Variants in ME3 observed in about 807,000 individuals in gnomAD.
The protein encoded by ME3 is NADP-dependent malic enzyme, mitochondrial.
Under a neutral mutation model 68.9 loss-of-function variants are expected in ME3, and 48 were observed. The observed-to-expected ratio is 0.70, with a 90% CI of 0.55 to 0.89. The LOEUF (loss-of-function observed/expected upper bound fraction) is 0.89. Ranked by LOEUF, ME3 falls within the 40% of genes least tolerant of loss-of-function variation. ME3 has a pLI of 0.00. For synonymous variants in ME3, 320 were observed against 318.8 expected (o/e 1.00, Z -0.04); for missense variants, 675 against 797.4 (o/e 0.85, Z 1.85).
rs115395395 is a variant in ME3 at position 86,550,112 on chromosome 11, G to A, written c.467+6441C>T. 2.9e-3 allele frequency among the ~76,000 whole-genome samples: 449 copies of A among 152,294 alleles called. 1 individual carries two copies. Among genetic ancestry groups the A allele is most frequent in the African/African-American group, 0.01 (424 of 41,554 alleles). ...CCAGAGATGCCTGGGCTCCACTTCA[G>A]GGATTCTGATTTACAGCTCTCCAGA... On this transcript the variant is annotated intron_variant, in intron 4 of 14. Coordinates refer to ENST00000543262, the Ensembl canonical transcript of ME3.
chr11:86,560,041 A>C (rs993149296), intron 2 of ME3, among the ~76,000 whole-genome samples: 1 of 152,170 alleles, frequency 6.6e-6, no homozygotes, highest in African/African-American at 2.4e-5. Flanking sequence ...AAAATGGGGA[A>C]ACTATCTGTA....
intron 4 of ME3, among the ~76,000 whole-genome samples, chr11:86,533,271 A>T (rs901827371): frequency 6.6e-6 from 1 of 152,182 alleles, no homozygotes; most frequent in African/African-American, 2.4e-5. Flanking sequence ...ATACTATGAA[A>T]AAAAGAGAGA....
intron 2 of ME3, among the ~76,000 whole-genome samples, chr11:86,600,228 C>T (rs972212825): frequency 2.0e-4 from 30 of 152,050 alleles, no homozygotes; most frequent in African/African-American, 7.0e-4. Context: ...CAGAGACACA[C>T]ATAGGCTCAA....
chr11:86,443,058 A>G, intron 13 of ME3, 139 bp from the exon 14 acceptor site: 1 of 620,322 alleles, frequency 1.6e-6, no homozygotes, highest in Non-Finnish European at 2.8e-6. Flanking sequence ...CTCTGTTACC[A>G]GGGAAGCTTA....
downstream of ME3, among the ~76,000 whole-genome samples, chr11:86,439,381 T>C (rs1200848738): frequency 2.0e-5 from 3 of 152,250 alleles, no homozygotes; most frequent in East Asian, 5.8e-4. Flanking sequence ...TTTTGAAATG[T>C]ACTGTTTTCC....
At chr11:86,609,247 T>C (rs2135181703) in intron 2 of ME3, among the ~76,000 whole-genome samples, 1 of 152,286 alleles carries the variant, frequency 6.6e-6, no homozygotes, top group African/African-American at 2.4e-5. Context: ...GGTACCCAAG[T>C]AGTAAGTGGT....
intron 4 of ME3, among the ~76,000 whole-genome samples, chr11:86,522,244 T>C: frequency 1.0e-5 from 1 of 98,662 alleles, no homozygotes; most frequent in African/African-American, 4.1e-5. Flanking sequence ...AACAAGACTC[T>C]GTCTCAAACA....
chr11:86,671,885 G>A (rs775282015), exon 2 of ME3: 1 of 1,526,418 alleles, frequency 6.6e-7, no homozygotes. Context: ...GCGGGAGGGC[G>A]CCGCAGGCCC....
At chr11:86,571,050 G>A (rs1957761992) in intron 2 of ME3, among the ~76,000 whole-genome samples, 1 of 152,146 alleles carries the variant, frequency 6.6e-6, no homozygotes, top group Admixed American at 6.5e-5. Context: ...GTTTTTAAAA[G>A]GCTGTGCCTA....
chr11:86,627,864 C>T (rs1196970365), intron 2 of ME3, among the ~76,000 whole-genome samples: 4 of 152,206 alleles, frequency 2.6e-5, no homozygotes, highest in Non-Finnish European at 1.5e-5. Context: ...CTTCAGTTAA[C>T]ACCACGCATA....
chr11:86,447,327 C>T, intron 11 of ME3, 120 bp from the exon 12 acceptor site: 1 of 1,350,356 alleles, frequency 7.4e-7, no homozygotes, highest in Non-Finnish European at 1.0e-6. Context: ...GGCCCAGCAT[C>T]TGCCACAAGG....
chr11:86,462,793 G>C (rs1362007418), intron 8 of ME3: 3 of 437,574 alleles, frequency 6.9e-6, no homozygotes, highest in African/African-American at 6.1e-5. Context: ...AGAACTGACA[G>C]AGGGGAACAC....
rs555268508 is a variant in ME3, at chr11:86,602,744, A to C, written c.184-42921T>G. Among the ~76,000 whole-genome samples the C allele has an allele frequency of 2.0e-5, 3 of 152,042 alleles. No individual in the cohort carries two copies. In the South Asian group the frequency reaches 6.2e-4, roughly 32 times the overall value. ...AGTAACCAAAACAGCATGGGAACCAAAACAGAGATATAGACCAATGGAACA... is the reference window on the plus strand; with the variant it reads ...AGTAACCAAAACAGCATGGGAACCACAACAGAGATATAGACCAATGGAACA... On this transcript the variant is annotated intron_variant, in intron 2 of 14. Coordinates refer to ENST00000543262, the Ensembl canonical transcript of ME3.
intron 2 of ME3, among the ~76,000 whole-genome samples, chr11:86,618,296 T>A (rs1943108717): frequency 7.7e-5 from 1 of 12,996 alleles, no homozygotes; most frequent in African/African-American, 2.1e-4. Flanking sequence ...CAAGGCTCTG[T>A]CTCAAAAAAA....
At chr11:86,511,281 C>T (rs535504856) in intron 4 of ME3, among the ~76,000 whole-genome samples, 1 of 152,352 alleles carries the variant, frequency 6.6e-6, no homozygotes, top group South Asian at 2.1e-4. Flanking sequence ...AAGTCCTCAA[C>T]ACGCCTACAG....
chr11:86,471,287 CA>C (rs1950773049), intron 7 of ME3, among the ~76,000 whole-genome samples: 1 of 151,818 alleles, frequency 6.6e-6, no homozygotes, highest in Admixed American at 6.6e-5. Flanking sequence ...AGGCATGCAC[CA>C]CCAAGCCCAG....
chr11:86,442,979 C>G (rs944543140), intron 13 of ME3, 60 bp from the exon 14 acceptor site: 8 of 1,392,052 alleles, frequency 5.7e-6, no homozygotes, highest in African/African-American at 4.3e-5. Flanking sequence ...CAAAACAAGC[C>G]CAACCCGTTA....
chr11:86,615,143 C>G (rs1942867500), intron 2 of ME3, among the ~76,000 whole-genome samples: 1 of 152,040 alleles, frequency 6.6e-6, no homozygotes, highest in Admixed American at 6.6e-5. Context: ...AACTATTCTT[C>G]CATCGGTACA....
intron 2 of ME3, among the ~76,000 whole-genome samples, chr11:86,631,519 A>C (rs1171917197): frequency 3.3e-5 from 5 of 152,188 alleles, no homozygotes; most frequent in Admixed American, 3.3e-4. Flanking sequence ...GCATATCAGA[A>C]TCTCCTTGGT....
Sources: allele counts gnomAD v4.1 joint callset (sites outside exome capture counted in the v4.1 genomes callset), GRCh38; gene constraint gnomAD v4.1.1; transcripts MANE v1.5; gene names NCBI Gene and HGNC (gene_info 2026-07-23, HGNC 2026-07-21).